Variants in KAT6A observed in about 807,000 individuals in gnomAD.
KAT6A encodes the protein histone acetyltransferase KAT6A.
In KAT6A, 9 loss-of-function variants were observed where a neutral mutation model predicts 198.4. The observed-to-expected ratio is 0.05, with a 90% CI of 0.03 to 0.08. The LOEUF is 0.08. Ranked by LOEUF, KAT6A falls within the 10% of genes least tolerant of loss-of-function variation. KAT6A has a pLI of 1.00. For missense variants in KAT6A, 2,077 were observed against 2,509.9 expected (o/e 0.83, Z 3.69); for synonymous variants, 890 against 883.0 (o/e 1.01, Z -0.14).
At position 41,933,767 on chromosome 8, in the gene KAT6A, A is replaced by T; in HGVS notation, c.4453T>A (p.Ser1485Thr). 5.0e-6 allele frequency: 8 copies of T among 1,614,080 alleles called. No homozygotes were observed. Among genetic ancestry groups the T allele is most frequent in the Non-Finnish European group, 6.8e-6 (8 of 1,180,004 alleles). Residue 1485 changes from serine to threonine, a missense_variant, in exon 17 of 17, where the codon TCC (serine) becomes ACC (threonine). Ser to Thr is a moderately conservative substitution (Grantham distance 58). Coordinates refer to ENST00000265713, the MANE Select transcript of KAT6A (RefSeq NM_006766.5). This position sits in a 1 kb window ranked among gnomAD's most constrained non-coding sequence, Gnocchi z 6.2. Reference protein sequence around the residue: ...HASEHNSPISSVQSHPSQSVR... With the variant: ...HASEHNSPISTVQSHPSQSVR... ...GACTGGCTGGGGTGAGACTGAACGGAGGAGATAGGGCTATTATGTTCTGAC... is the reference window on the plus strand; with the variant it reads ...GACTGGCTGGGGTGAGACTGAACGGTGGAGATAGGGCTATTATGTTCTGAC...
intron 8 of KAT6A, among the ~76,000 whole-genome samples, chr8:41,968,383 A>C (rs1226808676): frequency 6.6e-6 from 1 of 152,222 alleles, no homozygotes; most frequent in Non-Finnish European, 1.5e-5. Flanking sequence ...AATGCTCACC[A>C]TCACTGGCCA....
chr8:41,970,843 C>G (rs1254556652), intron 8 of KAT6A, among the ~76,000 whole-genome samples: 1 of 152,140 alleles, frequency 6.6e-6, no homozygotes, highest in Non-Finnish European at 1.5e-5. Context: ...AAATGATAGA[C>G]TGGATTAAGA....
Position 42,028,678 on chromosome 8 carries a change from A to G in KAT6A, c.600+19700T>C, listed in dbSNP as rs562458452. Among the ~76,000 whole-genome samples, 3 of 152,328 alleles carry G rather than the reference A, an allele frequency of 2.0e-5. 1 individual carries two copies. Among genetic ancestry groups the G allele is most frequent in the African/African-American group, 7.2e-5 (3 of 41,570 alleles). On this transcript the variant is annotated intron_variant, in intron 2 of 16. Transcript: ENST00000265713. Reference sequence around the variant, plus strand: ...ATATAATTGGGTCTTAAAAAAAATCAGTTTATCTACATATTTTAAGTGTGG... The same window carrying G: ...ATATAATTGGGTCTTAAAAAAAATCGGTTTATCTACATATTTTAAGTGTGG...
At chr8:41,974,679 G>T in intron 8 of KAT6A, 25 bp downstream of exon 8, 2 of 1,425,518 alleles carry the variant, frequency 1.4e-6, no homozygotes, top group Non-Finnish European at 2.0e-6. Flanking sequence ...TTGCTTGATT[G>T]TCTAACCTGA....
intron 2 of KAT6A, among the ~76,000 whole-genome samples, chr8:42,041,534 C>T (rs908092189): frequency 7.2e-5 from 11 of 152,014 alleles, no homozygotes; most frequent in African/African-American, 1.4e-4. Context: ...GTCAGGAGTT[C>T]GAGAACACAA....
chr8:42,030,961 A>G (rs1043505260), intron 2 of KAT6A, among the ~76,000 whole-genome samples: 1 of 140,434 alleles, frequency 7.1e-6, no homozygotes, highest in Non-Finnish European at 1.5e-5. Context: ...ATGAGCATAT[A>G]TTGTTAAGTG....
chr8:41,992,156 A>AT (rs1001299777), intron 2 of KAT6A, among the ~76,000 whole-genome samples: 25 of 151,876 alleles, frequency 1.6e-4, no homozygotes, highest in Non-Finnish European at 4.4e-5. Flanking sequence ...AGCCATGATC[A>AT]TGCCACTGCA....
chr8:42,047,844 C>T (rs1802391220), intron 2 of KAT6A, among the ~76,000 whole-genome samples: 1 of 152,112 alleles, frequency 6.6e-6, no homozygotes, highest in Non-Finnish European at 1.5e-5. Flanking sequence ...ACAGCAGAAA[C>T]AAGAATTGCT....
At chr8:41,982,595 G>C (rs572752177) in intron 3 of KAT6A, among the ~76,000 whole-genome samples, 6 of 152,244 alleles carry the variant, frequency 3.9e-5, no homozygotes, top group African/African-American at 1.4e-4. Context: ...AATGAGATCT[G>C]CTGTCCCAGC....
Position 41,949,858 on chromosome 8 carries a change from G to A in KAT6A, c.1599-495C>T, listed in dbSNP as rs118050302. ...CTCAAATAAGGGCAAGAGGGCACAC[G>A]CTTTTTCCCAACTTTCCTGGGGGAC... On this transcript the variant is annotated intron_variant, in intron 9 of 16. Transcript: ENST00000265713. Among the ~76,000 whole-genome samples the A allele has an allele frequency of 6.3e-3, 953 of 152,262 alleles. 7 individuals carry two copies. The highest frequency in any genetic ancestry group is 8.3e-3 in the African/African-American group (345 of 41,546).
At chr8:41,965,817 G>A (rs1239475571) in intron 8 of KAT6A, among the ~76,000 whole-genome samples, 1 of 152,134 alleles carries the variant, frequency 6.6e-6, no homozygotes, top group Non-Finnish European at 1.5e-5. Context: ...GGATTTTAAG[G>A]TACCCCCATG....
chr8:41,937,788 T>A (rs1374882617), intron 15 of KAT6A, among the ~76,000 whole-genome samples: 1 of 152,216 alleles, frequency 6.6e-6, no homozygotes, highest in Non-Finnish European at 1.5e-5. Context: ...TGTAAAAGAA[T>A]AGGCAGCCAT....
chr8:42,001,970 C>T (rs1210330233), intron 2 of KAT6A, among the ~76,000 whole-genome samples: 2 of 152,140 alleles, frequency 1.3e-5, no homozygotes, highest in Admixed American at 6.5e-5. Context: ...ATTATAAAAT[C>T]GTAACATTCA....
chr8:42,034,623 G>C (rs903271720), intron 2 of KAT6A, among the ~76,000 whole-genome samples: 1 of 152,140 alleles, frequency 6.6e-6, no homozygotes, highest in Non-Finnish European at 1.5e-5. Flanking sequence ...GTCCATTATA[G>C]CAGCTACTAG....
Position 42,034,485 on chromosome 8 carries a change from C to T in KAT6A, c.600+13893G>A, listed in dbSNP as rs1054154502. Among the ~76,000 whole-genome samples the T allele has an allele frequency of 2.6e-5, 4 of 152,122 alleles. No homozygotes were observed. In the South Asian group the frequency reaches 6.2e-4, roughly 24 times the overall value. ...GGGTTACAACTCATATATACTATAT[C>T]GCAGAATTTGGTACTGAAGGATTTT... On this transcript the variant is annotated intron_variant, in intron 2 of 16. Coordinates refer to ENST00000265713, the MANE Select transcript of KAT6A (RefSeq NM_006766.5).
chr8:42,023,844 A>T (rs201911258), intron 2 of KAT6A, among the ~76,000 whole-genome samples: 46 of 149,620 alleles, frequency 3.1e-4, no homozygotes, highest in African/African-American at 6.4e-4. Flanking sequence ...AAAAAAAAAA[A>T]TTTTCTTTTA....
intron 2 of KAT6A, among the ~76,000 whole-genome samples, chr8:42,037,839 T>C (rs1287887798): frequency 1.3e-5 from 2 of 152,184 alleles, no homozygotes; most frequent in Admixed American, 6.5e-5. Context: ...CCTAATGTAC[T>C]TGCTAAGTTT....
In KAT6A at chr8:41,933,215, C is replaced by CTGGTTG. The variant is rs915828014; in HGVS notation, c.4999_5004dup (p.Gln1667_Pro1668dup). On this transcript the variant is annotated inframe_insertion, in exon 17 of 17. Coordinates refer to ENST00000265713, the MANE Select transcript of KAT6A (RefSeq NM_006766.5). This position sits in a 1 kb window ranked among gnomAD's most constrained non-coding sequence, Gnocchi z 6.2. Reference sequence around the variant, plus strand: ...TGCTGGGGTGGTGGAGGCTGTGGTGCTGGTTGTGGTTGTGGCGGCGGCGGC... The same window carrying CTGGTTG: ...TGCTGGGGTGGTGGAGGCTGTGGTGCTGGTTGTGGTTGTGGTTGTGGCGGCGGCGGC... 15 of 1,578,416 alleles carry CTGGTTG rather than the reference C, an allele frequency of 9.5e-6. No homozygotes were observed. The highest frequency in any genetic ancestry group is 4.1e-4 in the Middle Eastern group (2 of 4,898).
At chr8:41,947,712 CTA>C (rs1403077795) in intron 11 of KAT6A, 37 bp downstream of exon 11, 13 of 1,531,670 alleles carry the variant, frequency 8.5e-6, no homozygotes, top group Middle Eastern at 1.7e-4. Context: ...TTTCAGATTT[CTA>C]TATGAGTTCA....
Sources: gnomAD v4.1 joint callset for allele counts (sites outside exome capture counted in the v4.1 genomes callset) on GRCh38, gnomAD v4.1.1 for gene constraint, Gnocchi (gnomAD v3.1) non-coding constraint, MANE v1.5 for transcripts, NCBI Gene and HGNC (gene_info 2026-07-23, HGNC 2026-07-21) for gene names.